The following CPA4 variants were observed in gnomAD, a reference collection of about 807,000 sequenced individuals.
CPA4 encodes the protein carboxypeptidase A3.
Under a neutral mutation model 54.7 loss-of-function variants are expected in CPA4, and 49 were observed. That is an observed-to-expected ratio of 0.90 (90% CI 0.71 to 1.14). CPA4 has a LOEUF of 1.14. Ranked by LOEUF, CPA4 falls within the 50% of genes most tolerant of loss-of-function variation. The probability of loss-of-function intolerance (pLI) is 0.00; values close to 1 mark genes in which losing one functional copy is unlikely to be tolerated. For synonymous variants in CPA4, 215 were observed against 206.8 expected (o/e 1.04, Z -0.34); for missense variants, 487 against 525.1 (o/e 0.93, Z 0.71).
intron 1 of CPA4, among the ~76,000 whole-genome samples, chr7:130,297,055 C>T (rs1793661477): frequency 6.6e-6 from 1 of 152,086 alleles, no homozygotes; most frequent in Non-Finnish European, 1.5e-5. Flanking sequence ...TGGGCTCCAG[C>T]GATCCTCCTG....
rs1419440132 is a variant in CPA4 at position 130,312,137 on chromosome 7, A to T, written c.1078+15A>T. Reference sequence around the variant, plus strand: ...CACCACTGTCTGTAAGTACTCGCTTATTTATGAGTTATTTAGAAAGCACTT... The same window carrying T: ...CACCACTGTCTGTAAGTACTCGCTTTTTTATGAGTTATTTAGAAAGCACTT... On this transcript the variant is annotated intron_variant, in intron 10 of 10. Coordinates refer to ENST00000222482, the MANE Select transcript of CPA4 (RefSeq NM_016352.4). 2.0e-5 allele frequency: 31 copies of T among 1,584,472 alleles called. No homozygotes were observed. The highest frequency in any genetic ancestry group is 2.7e-5 in the Non-Finnish European group (31 of 1,153,040).
intron 1 of CPA4, 56 bp downstream of exon 1, chr7:130,293,304 G>T: frequency 1.0e-6 from 1 of 1,001,264 alleles, no homozygotes; most frequent in South Asian, 1.3e-5. Flanking sequence ...GAGCCAAATG[G>T]AACTGAAAAT....
chr7:130,322,870 GC>G lies in CPA4; in HGVS notation c.*196del, dbSNP rs1160595460. On this transcript the variant is annotated 3_prime_UTR_variant, in exon 11 of 11. Transcript: ENST00000222482. The stretch of plus-strand genomic sequence containing the variant: ...GTCCCTGCAAGAACTGGTTCTGCCA[GC>G]CTGCTCAATTTTGGTCCTGCTGTTT... 3.2e-5 allele frequency: 16 copies of G among 499,226 alleles called. No individual in the cohort carries two copies. The highest frequency in any genetic ancestry group is 1.7e-5 in the Non-Finnish European group (5 of 288,870). 30.9% of individuals were successfully genotyped at this position (499,226 alleles called of 1,614,324 possible).
In CPA4 at chr7:130,312,022, G is replaced by T; in HGVS notation, c.994-16G>T. 2 of 1,609,054 alleles carry T rather than the reference G, an allele frequency of 1.2e-6. No homozygotes were observed. The highest frequency in any genetic ancestry group is 1.7e-6 in the Non-Finnish European group (2 of 1,175,440). ...AGGATCGATTTTTTCTCACTCCACG[G>T]ATTCCCCCTTCCCAGGACAAGGTGG... On this transcript the variant is annotated splice_polypyrimidine_tract_variant and intron_variant, in intron 9 of 10. Transcript: ENST00000222482.
chr7:130,317,386 T>G (rs1452528693), intron 10 of CPA4, among the ~76,000 whole-genome samples: 2 of 152,210 alleles, frequency 1.3e-5, no homozygotes, highest in African/African-American at 2.4e-5. Flanking sequence ...AAAACATACC[T>G]CCATTGTGAA....
intron 10 of CPA4, among the ~76,000 whole-genome samples, chr7:130,315,728 G>T (rs776172385): frequency 2.2e-4 from 34 of 152,282 alleles, no homozygotes; most frequent in African/African-American, 7.7e-4. Flanking sequence ...GGGGCATATG[G>T]GTAAAATTAA....
intron 9 of CPA4, among the ~76,000 whole-genome samples, chr7:130,311,510 C>T (rs1176444444): frequency 1.3e-5 from 2 of 152,160 alleles, no homozygotes; most frequent in East Asian, 3.9e-4. Context: ...AAAGTGCGGG[C>T]TTGATTCTGC....
At chr7:130,299,488 C>T in intron 3 of CPA4, 84 bp downstream of exon 3, 1 of 1,290,000 alleles carries the variant, frequency 7.8e-7, no homozygotes, top group South Asian at 1.3e-5. Flanking sequence ...TTTGCAAGTT[C>T]TGGTTTTATC....
intron 10 of CPA4, 75 bp from the exon 11 acceptor site, chr7:130,322,414 C>T: frequency 8.0e-7 from 1 of 1,253,022 alleles, no homozygotes; most frequent in Non-Finnish European, 1.1e-6. Flanking sequence ...CCCAGGCAGG[C>T]AGAGCTCTTG....
intron 10 of CPA4, among the ~76,000 whole-genome samples, chr7:130,317,749 G>A (rs1387089916): frequency 6.6e-6 from 1 of 152,162 alleles, no homozygotes; most frequent in Non-Finnish European, 1.5e-5. Flanking sequence ...TTACAGGCGT[G>A]AGCCACCTCG....
intron 5 of CPA4, among the ~76,000 whole-genome samples, chr7:130,305,015 A>G (rs1452545203): frequency 2.0e-5 from 3 of 152,206 alleles, no homozygotes. Context: ...TGGTTGCACA[A>G]AGCCTAATTT....
chr7:130,320,826 G>A (rs758693003), intron 10 of CPA4, among the ~76,000 whole-genome samples: 9 of 152,208 alleles, frequency 5.9e-5, no homozygotes, highest in East Asian at 1.9e-4. Flanking sequence ...TAGATCATAA[G>A]TGTGAAGTGT....
intron 10 of CPA4, among the ~76,000 whole-genome samples, chr7:130,321,379 A>T (rs1257492996): frequency 6.6e-6 from 1 of 152,136 alleles, no homozygotes; most frequent in Non-Finnish European, 1.5e-5. Flanking sequence ...TTAAAAAAAA[A>T]AATCCTAAAA....
In CPA4 at chr7:130,305,877, G is replaced by A. The variant is rs3735053; in HGVS notation, c.548G>A (p.Arg183Gln). ...TGGCTGAATGCAGGCATCCATTCCC[G>A]AGAGTGGATCTCCCAGGCCACTGCA... ...AVWLNAGIHSREWISQATAIW... is the reference protein window; with the variant it reads ...AVWLNAGIHSQEWISQATAIW... Residue 183 changes from arginine to glutamine, a missense_variant, in exon 6 of 11, where the codon CGA becomes CAA. Coordinates refer to ENST00000222482, the MANE Select transcript of CPA4 (RefSeq NM_016352.4). 11 of 1,614,180 alleles carry A rather than the reference G, an allele frequency of 6.8e-6. No homozygotes were observed. Among genetic ancestry groups the A allele is most frequent in the Admixed American group, 1.7e-5 (1 of 60,032 alleles).
intron 8 of CPA4, among the ~76,000 whole-genome samples, chr7:130,308,723 A>ATTTTTTTGTTTTTTT (rs199996063): frequency 4.8e-5 from 7 of 145,182 alleles, no homozygotes; most frequent in African/African-American, 1.9e-4. Context: ...ACGCCCGGCT[A>ATTTTTTTGTTTTTTT]TTTTTTTTCA....
At chr7:130,306,087 A>C in intron 6 of CPA4, 167 bp downstream of exon 6, 1 of 613,454 alleles carries the variant, frequency 1.6e-6, no homozygotes, top group Non-Finnish European at 2.9e-6. Context: ...CCCCTTGGTC[A>C]GCTCACTGCG....
intron 3 of CPA4, 75 bp from the exon 4 acceptor site, chr7:130,300,741 T>G (rs1042851629): frequency 9.9e-7 from 1 of 1,006,110 alleles, no homozygotes. Context: ...CTGACCCATA[T>G]GCAAAGATAT....
At position 130,302,488 on chromosome 7, in the gene CPA4, C is replaced by CAA. The variant is rs35708499; in HGVS notation, c.384+1591_384+1592dup. Among the ~76,000 whole-genome samples the CAA allele has an allele frequency of 1.1e-4, 9 of 79,468 alleles. No homozygotes were observed. The East Asian group carries it at 1.7e-3, about 15-fold the overall frequency. The allele number at this position is 79,468 out of a possible 152,430, so 52.1% of individuals were successfully genotyped here. A position where few individuals can be genotyped will look rare whatever the true frequency, so the allele number is the denominator to read the frequency against. ...TGGGTGACTGAGCGAGACTCTGTCT[C>CAA]AAAAAAAAAAAAAAAAAAGAGCGCT... On this transcript the variant is annotated intron_variant, in intron 4 of 10. Transcript: ENST00000222482.
At chr7:130,307,062 T>A (rs1335840721) in intron 7 of CPA4, among the ~76,000 whole-genome samples, 165 bp downstream of exon 7, 1 of 152,224 alleles carries the variant, frequency 6.6e-6, no homozygotes, top group Non-Finnish European at 1.5e-5. Flanking sequence ...GGGATATTTC[T>A]TCTTAGAGAA....
Sources: gnomAD v4.1 joint callset for allele counts (sites outside exome capture counted in the v4.1 genomes callset) on GRCh38, gnomAD v4.1.1 for gene constraint, MANE v1.5 for transcripts, NCBI Gene and HGNC (gene_info 2026-07-23, HGNC 2026-07-21) for gene names.